Variants in CSNK1G1 observed in about 807,000 individuals in gnomAD.
CSNK1G1 encodes casein kinase I isoform gamma-1.
A neutral mutation model predicts 59.6 loss-of-function variants in CSNK1G1; 22 were observed. The observed-to-expected ratio is 0.37, with a 90% CI of 0.26 to 0.53. CSNK1G1 has a LOEUF of 0.53. CSNK1G1 is among the 20% of genes least tolerant of loss of function. CSNK1G1 has a pLI of 0.89. For synonymous variants in CSNK1G1, 179 were observed against 177.1 expected, an observed-to-expected ratio of 1.01 and a Z score of -0.08; for missense variants, 384 against 519.5, an observed-to-expected ratio of 0.74 and a Z score of 2.54.
intron 1 of CSNK1G1, chr15:64,348,521 A>G (rs1898098044): frequency 6.6e-6 from 1 of 152,190 alleles, no homozygotes; most frequent in Admixed American, 6.5e-5. Context: ...CACAATCTCA[A>G]AGAGTAAATA....
chr15:64,312,967 A>G (rs527856134), intron 1 of CSNK1G1, among the ~76,000 whole-genome samples: 1 of 152,256 alleles, frequency 6.6e-6, no homozygotes, highest in Non-Finnish European at 1.5e-5. Flanking sequence ...ACACTTCTCA[A>G]AAGAAGACAT....
Position 64,300,544 on chromosome 15 carries a change from G to A in CSNK1G1, c.-45C>T. 1 of 1,584,674 alleles carries A rather than the reference G, an allele frequency of 6.3e-7. No homozygotes were observed. Among genetic ancestry groups the A allele is most frequent in the African/African-American group, 1.3e-5 (1 of 74,176 alleles). Reference sequence around the variant, plus strand: ...TCCTATAGTACAGCAAGTAGCTTCAGTATGTATACCTCTCTTCAATACAAA... The same window carrying A: ...TCCTATAGTACAGCAAGTAGCTTCAATATGTATACCTCTCTTCAATACAAA... On this transcript the variant is annotated 5_prime_UTR_variant, in exon 2 of 12. Transcript: ENST00000303052.
At chr15:64,259,165 C>A (rs888566214) in intron 3 of CSNK1G1, 36 bp downstream of exon 3, 2 of 1,543,324 alleles carry the variant, frequency 1.3e-6, no homozygotes, top group African/African-American at 1.4e-5. Context: ...AATGGGAGCA[C>A]CAAAACATTA....
At chr15:64,317,691 TCTCA>T (rs1317424821) in intron 1 of CSNK1G1, among the ~76,000 whole-genome samples, 1 of 152,192 alleles carries the variant, frequency 6.6e-6, no homozygotes, top group Non-Finnish European at 1.5e-5. Context: ...AGAAACGTGG[TCTCA>T]CTATGTTCCC....
intron 2 of CSNK1G1, among the ~76,000 whole-genome samples, chr15:64,289,779 A>G (rs1054274854): frequency 2.0e-5 from 3 of 152,150 alleles, no homozygotes; most frequent in Non-Finnish European, 4.4e-5. Context: ...AAAAAACCGT[A>G]TAACCTCATC....
chr15:64,235,118 A>G (rs1263911930), intron 4 of CSNK1G1, among the ~76,000 whole-genome samples: 1 of 152,176 alleles, frequency 6.6e-6, no homozygotes, highest in African/African-American at 2.4e-5. Flanking sequence ...GCCAGGGACC[A>G]AGAGTAGTTG....
intron 2 of CSNK1G1, among the ~76,000 whole-genome samples, chr15:64,261,091 C>T (rs1892664055): frequency 6.6e-6 from 1 of 151,958 alleles, no homozygotes; most frequent in Non-Finnish European, 1.5e-5. Flanking sequence ...ATTAATGTTC[C>T]CACCAAAGCC....
chr15:64,258,896 T>G (rs1018721848), intron 3 of CSNK1G1, among the ~76,000 whole-genome samples: 1 of 152,188 alleles, frequency 6.6e-6, no homozygotes, highest in African/African-American at 2.4e-5. Context: ...TTTATCTTTT[T>G]AAGATACCTC....
At chr15:64,286,493 A>G (rs1298307880) in intron 2 of CSNK1G1, among the ~76,000 whole-genome samples, 1 of 152,076 alleles carries the variant, frequency 6.6e-6, no homozygotes, top group Admixed American at 6.6e-5. Context: ...TTAGAATTAT[A>G]AATATATATA....
At chr15:64,290,371 C>G (rs1473760763) in intron 2 of CSNK1G1, among the ~76,000 whole-genome samples, 1 of 151,842 alleles carries the variant, frequency 6.6e-6, no homozygotes, top group African/African-American at 2.4e-5. Flanking sequence ...CACAGGCAGA[C>G]AGGCAATGAA....
intron 2 of CSNK1G1, among the ~76,000 whole-genome samples, chr15:64,280,218 T>C (rs1894050006): frequency 6.6e-6 from 1 of 151,908 alleles, no homozygotes; most frequent in Non-Finnish European, 1.5e-5. Context: ...TGAATAAGGG[T>C]AATAAGCTTA....
At chr15:64,279,087 C>G (rs1218653920) in intron 2 of CSNK1G1, among the ~76,000 whole-genome samples, 1 of 152,320 alleles carries the variant, frequency 6.6e-6, no homozygotes, top group East Asian at 1.9e-4. Flanking sequence ...AAATGATCCA[C>G]CTTTTTTTGT....
At chr15:64,234,207 C>T (rs1414378816) in intron 4 of CSNK1G1, among the ~76,000 whole-genome samples, 1 of 152,098 alleles carries the variant, frequency 6.6e-6, no homozygotes, top group African/African-American at 2.4e-5. Context: ...TTCAAACACC[C>T]CCCTCACCCT....
At chr15:64,336,701 T>C (rs1196430187) in intron 1 of CSNK1G1, among the ~76,000 whole-genome samples, 2 of 152,186 alleles carry the variant, frequency 1.3e-5, no homozygotes, top group Non-Finnish European at 2.9e-5. Flanking sequence ...AAGGAAAATA[T>C]AACTTTCATT....
Position 64,216,448 on chromosome 15 carries a change from C to T in CSNK1G1, c.444+114G>A. 1 of 1,034,166 alleles carries T rather than the reference C, an allele frequency of 9.7e-7. No individual in the cohort carries two copies. Among genetic ancestry groups the T allele is most frequent in the Non-Finnish European group, 1.4e-6 (1 of 708,532 alleles). 64.1% of individuals were successfully genotyped at this position (1,034,166 alleles called of 1,614,324 possible). On this transcript the variant is annotated intron_variant, in intron 5 of 11. Coordinates refer to ENST00000303052, the MANE Select transcript of CSNK1G1 (RefSeq NM_022048.5). The surrounding 1 kb of genome is among the most constrained non-coding windows in gnomAD (Gnocchi z 4.6). ...GCCAGCTTCCCAGAATGCCATCAAG[C>T]CTGTGAGTACTAATTCTTGATGTGT...
chr15:64,288,370 TAAC>T (rs1462718906), intron 2 of CSNK1G1, among the ~76,000 whole-genome samples: 9 of 151,994 alleles, frequency 5.9e-5, no homozygotes, highest in African/African-American at 1.4e-4. Context: ...AGACAATCAA[TAAC>T]AACATCTAAT....
chr15:64,300,170 A>G, intron 2 of CSNK1G1, 149 bp downstream of exon 2: 2 of 709,030 alleles, frequency 2.8e-6, no homozygotes, highest in South Asian at 1.7e-5. Context: ...GATAATGACT[A>G]TAGTGCCCCT....
intron 2 of CSNK1G1, among the ~76,000 whole-genome samples, chr15:64,274,253 C>T (rs1188848984): frequency 6.6e-6 from 1 of 152,184 alleles, no homozygotes; most frequent in South Asian, 2.1e-4. Flanking sequence ...TAAAATTTTA[C>T]AGGTCAACAC....
chr15:64,332,739 C>CAA (rs113780042), intron 1 of CSNK1G1, among the ~76,000 whole-genome samples: 4 of 144,890 alleles, frequency 2.8e-5, no homozygotes, highest in African/African-American at 2.5e-5. Flanking sequence ...AAAACAAAAA[C>CAA]AAAAAAAAAG....
Sources: allele counts gnomAD v4.1 joint callset (sites outside exome capture counted in the v4.1 genomes callset), GRCh38; gene constraint gnomAD v4.1.1; non-coding constraint Gnocchi (gnomAD v3.1); transcripts MANE v1.5; gene names NCBI Gene and HGNC (gene_info 2026-07-23, HGNC 2026-07-21).